TACR3: variants seen among roughly 807,000 people sequenced by gnomAD.
TACR3 encodes the protein tachykinin receptor 3.
TACR3 carries 34 observed loss-of-function variants against 35.0 expected under a neutral mutation model. That is an observed-to-expected ratio of 0.97 (90% CI 0.74 to 1.30). TACR3 has a LOEUF of 1.30. Among genes scored for constraint, TACR3 ranks in the 50% most tolerant of loss-of-function variants. The pLI, the probability that TACR3 is intolerant of heterozygous loss-of-function variation, is 0.00. For missense variants in TACR3, 558 were observed against 591.7 expected, an observed-to-expected ratio of 0.94 and a Z score of 0.59; for synonymous variants, 233 against 221.1, an observed-to-expected ratio of 1.05 and a Z score of -0.48.
rs930614258 is a variant in TACR3, at chr4:103,587,929, T to A, written c.*1753A>T. The A allele has an allele frequency of 1.3e-5, 2 of 152,076 alleles. No homozygotes were observed. Among genetic ancestry groups the A allele is most frequent in the African/African-American group, 2.4e-5 (1 of 41,438 alleles). 9.4% of individuals were successfully genotyped at this position (152,076 alleles called of 1,614,324 possible). A position where few individuals can be genotyped will look rare whatever the true frequency, so the allele number is the denominator to read the frequency against. ...TCATTTCAGTATTTGATTTTAATTC[T>A]TTGAAGTTGTTGCATTCATTAAATG... On this transcript the variant is annotated 3_prime_UTR_variant, in exon 5 of 5. Coordinates refer to ENST00000304883, the MANE Select transcript of TACR3 (RefSeq NM_001059.3).
At chr4:103,645,522 T>C (rs1251460827) in intron 3 of TACR3, among the ~76,000 whole-genome samples, 2 of 151,948 alleles carry the variant, frequency 1.3e-5, no homozygotes, top group Non-Finnish European at 2.9e-5. Context: ...CAAAAAACTA[T>C]AGAAAACCTT....
chr4:103,629,091 C>A (rs955701270), intron 3 of TACR3, among the ~76,000 whole-genome samples: 2 of 152,090 alleles, frequency 1.3e-5, no homozygotes, highest in Admixed American at 6.6e-5. Flanking sequence ...ATTCAACAGC[C>A]CTTCATGCTA....
intron 3 of TACR3, among the ~76,000 whole-genome samples, chr4:103,596,560 A>G (rs1353352008): frequency 6.6e-6 from 1 of 151,814 alleles, no homozygotes; most frequent in Non-Finnish European, 1.5e-5. Flanking sequence ...GACAAAAAAC[A>G]AAACAAAACA....
At chr4:103,621,370 C>CAGAGAAATGTGTTTACAGGTCAGAG (rs1724779067) in intron 3 of TACR3, among the ~76,000 whole-genome samples, 2 of 152,056 alleles carry the variant, frequency 1.3e-5, no homozygotes, top group African/African-American at 4.8e-5. Flanking sequence ...AATAGAGGGC[C>CAGAGAAATGTGTTTACAGGTCAGAG]AATATGTGTT....
At chr4:103,690,737 T>A (rs776473217) in intron 1 of TACR3, among the ~76,000 whole-genome samples, 7 of 152,130 alleles carry the variant, frequency 4.6e-5, no homozygotes, top group Non-Finnish European at 7.4e-5. Context: ...ATAAAATAAG[T>A]ATCAACATTT....
rs140474981 is a variant in TACR3 at position 103,691,687 on chromosome 4, G to T, written c.548+27441C>A. ...ATGGCCCTAATGCCCAAGCTGGAAG[G>T]TTGTGGGTTTACGGGAATGAGGGCA... is the stretch of plus-strand genomic sequence containing the variant. On this transcript the variant is annotated intron_variant, in intron 1 of 4. Transcript: ENST00000304883. 5.7e-3 allele frequency among the ~76,000 whole-genome samples: 869 copies of T among 152,276 alleles called. 10 individuals are homozygous for T. The highest frequency in any genetic ancestry group is 0.02 in the African/African-American group (838 of 41,578).
chr4:103,685,846 C>T (rs570880242), intron 1 of TACR3, among the ~76,000 whole-genome samples: 1 of 152,238 alleles, frequency 6.6e-6, no homozygotes, highest in South Asian at 2.1e-4. Flanking sequence ...CCATGTCTAC[C>T]TCTCCCTTCC....
intron 3 of TACR3, among the ~76,000 whole-genome samples, chr4:103,648,366 A>G (rs1388238975): frequency 1.3e-5 from 2 of 152,036 alleles, no homozygotes; most frequent in Non-Finnish European, 2.9e-5. Context: ...GTGCTATATA[A>G]TATGGGAACT....
At chr4:103,628,751 C>G (rs1724973498) in intron 3 of TACR3, among the ~76,000 whole-genome samples, 1 of 152,170 alleles carries the variant, frequency 6.6e-6, no homozygotes, top group African/African-American at 2.4e-5. Context: ...CCTTGTGAAA[C>G]TATTCCAATC....
intron 3 of TACR3, among the ~76,000 whole-genome samples, chr4:103,604,267 C>G (rs1724291883): frequency 1.3e-5 from 2 of 152,134 alleles, no homozygotes; most frequent in Non-Finnish European, 2.9e-5. Flanking sequence ...TTTGACAAAC[C>G]TGACAAAAAC....
At position 103,700,156 on chromosome 4, in the gene TACR3, T is replaced by C. The variant is rs185455988; in HGVS notation, c.548+18972A>G. The stretch of plus-strand genomic sequence containing the variant: ...AACAAAAAACACAACTCCTGATTTG[T>C]AGTGTTTCCAGATTTCTGTGGTGTA... On this transcript the variant is annotated intron_variant, in intron 1 of 4. Coordinates refer to ENST00000304883, the MANE Select transcript of TACR3 (RefSeq NM_001059.3). 1.2e-3 allele frequency among the ~76,000 whole-genome samples: 188 copies of C among 152,290 alleles called. 2 individuals carry two copies. Among genetic ancestry groups the C allele is most frequent in the Non-Finnish European group, 6.9e-4 (47 of 68,028 alleles).
At chr4:103,614,487 T>C (rs1033949282) in intron 3 of TACR3, among the ~76,000 whole-genome samples, 5 of 152,228 alleles carry the variant, frequency 3.3e-5, no homozygotes, top group African/African-American at 1.2e-4. Context: ...TTTAAGCTCA[T>C]GCTCTTCATG....
At chr4:103,636,032 A>C (rs115500047) in intron 3 of TACR3, among the ~76,000 whole-genome samples, 85 of 152,032 alleles carry the variant, frequency 5.6e-4, no homozygotes, top group African/African-American at 2.0e-3. Context: ...CATTTGGCTT[A>C]AGAATCCAGA....
rs539892724 is a variant in TACR3, at chr4:103,637,839, T to C, written c.888+18355A>G. On this transcript the variant is annotated intron_variant, in intron 3 of 4. Transcript: ENST00000304883. ...ATCATGAGTGAACTCCCTTTCACAA[T>C]TGCTACAAAGAGAATAAAAAACCTA... Among the ~76,000 whole-genome samples the C allele has an allele frequency of 2.0e-3, 306 of 152,210 alleles. 2 individuals are homozygous for C. Among genetic ancestry groups the C allele is most frequent in the African/African-American group, 6.9e-3 (288 of 41,532 alleles).
chr4:103,670,403 T>C (rs1726029650), intron 1 of TACR3, among the ~76,000 whole-genome samples: 1 of 152,090 alleles, frequency 6.6e-6, no homozygotes, highest in Non-Finnish European at 1.5e-5. Flanking sequence ...TTGCATTGAA[T>C]CTGTAGAGTG....
intron 1 of TACR3, among the ~76,000 whole-genome samples, chr4:103,693,407 A>C (rs1480289826): frequency 6.6e-6 from 1 of 152,180 alleles, no homozygotes; most frequent in Non-Finnish European, 1.5e-5. Context: ...CTAATTGCCA[A>C]AATAATTTCT....
chr4:103,663,221 C>T (rs1725867093), intron 1 of TACR3, among the ~76,000 whole-genome samples: 1 of 152,170 alleles, frequency 6.6e-6, no homozygotes, highest in Admixed American at 6.5e-5. Context: ...ATGTTGGGCA[C>T]AGTGGCTCAC....
At chr4:103,603,683 T>C (rs1182101076) in intron 3 of TACR3, among the ~76,000 whole-genome samples, 1 of 152,228 alleles carries the variant, frequency 6.6e-6, no homozygotes, top group Non-Finnish European at 1.5e-5. Flanking sequence ...TTTGGGTATA[T>C]ACCCAGTAAT....
At chr4:103,639,786 C>T (rs1305788889) in intron 3 of TACR3, among the ~76,000 whole-genome samples, 1 of 151,818 alleles carries the variant, frequency 6.6e-6, no homozygotes, top group East Asian at 1.9e-4. Context: ...GTTACTCAAC[C>T]CTTCTAGTTA....
Sources: allele counts gnomAD v4.1 joint callset (sites outside exome capture counted in the v4.1 genomes callset), GRCh38; gene constraint gnomAD v4.1.1; transcripts MANE v1.5; gene names NCBI Gene and HGNC (gene_info 2026-07-23, HGNC 2026-07-21).